The following PML variants were observed in gnomAD, a reference collection of about 807,000 sequenced individuals.
The protein encoded by PML is protein PML.
Under a neutral mutation model 65.2 loss-of-function variants are expected in PML, and 28 were observed. The ratio of observed to expected loss-of-function variants is 0.43; its 90% CI spans 0.32 to 0.59. The LOEUF (loss-of-function observed/expected upper bound fraction) is 0.59. PML is among the 20% of genes least tolerant of loss of function. PML has a pLI of 0.08. For missense variants in PML, 1,021 were observed against 1,203.4 expected, an observed-to-expected ratio of 0.85 and a Z score of 2.24; for synonymous variants, 500 against 508.8, an observed-to-expected ratio of 0.98 and a Z score of 0.23.
chr15:74,035,262 C>T lies in PML; in HGVS notation c.1710+732C>T. The stretch of plus-strand genomic sequence containing the variant: ...CTCGCCAGCCCACTCCTCGCCAGTC[C>T]AGTCTCTGCTGAGAGCACAAGGAGC... On this transcript the variant is annotated intron_variant, in intron 7 of 8. Transcript: ENST00000268058. The surrounding 1 kb of genome is among the most constrained non-coding windows in gnomAD (Gnocchi z 4.1). 1 of 1,613,182 alleles carries T rather than the reference C, an allele frequency of 6.2e-7. No individual in the cohort carries two copies. Among genetic ancestry groups the T allele is most frequent in the Non-Finnish European group, 8.5e-7 (1 of 1,179,648 alleles).
intron 2 of PML, among the ~76,000 whole-genome samples, chr15:74,006,390 CAAAAAAA>C (rs372202858): frequency 1.1e-5 from 1 of 87,554 alleles, no homozygotes; most frequent in South Asian, 4.3e-4. Context: ...GACTCCGTCT[CAAAAAAA>C]AAAAAAAAAA....
intron 4 of PML, among the ~76,000 whole-genome samples, chr15:74,029,036 A>G (rs1034047194): frequency 6.6e-6 from 1 of 152,200 alleles, no homozygotes; most frequent in Non-Finnish European, 1.5e-5. Flanking sequence ...TCGCTGGATC[A>G]TATGGTAATT....
intron 2 of PML, among the ~76,000 whole-genome samples, chr15:74,001,124 CT>C (rs973071101): frequency 2.4e-4 from 36 of 152,204 alleles, no homozygotes; most frequent in Middle Eastern, 3.4e-3. Flanking sequence ...ACTATACCCC[CT>C]TTTTTTATTT....
chr15:74,005,434 T>G lies in PML; in HGVS notation c.602+6958T>G, dbSNP rs566657642. 2.8e-5 allele frequency among the ~76,000 whole-genome samples: 4 copies of G among 145,138 alleles called. No homozygotes were observed. The East Asian group carries it at 8.1e-4, about 29-fold the overall frequency. Reference sequence around the variant, plus strand: ...AACATATTTTACATCTTTTAAATTTTTTCCCCATTAATTCTGTTGCTTTGC... The same window carrying G: ...AACATATTTTACATCTTTTAAATTTGTTCCCCATTAATTCTGTTGCTTTGC... On this transcript the variant is annotated intron_variant, in intron 2 of 8. Coordinates refer to ENST00000268058, the MANE Select transcript of PML (RefSeq NM_033238.3).
At position 74,044,414 on chromosome 15, in the gene PML, A is replaced by C; in HGVS notation, c.2055A>C (p.Pro685=). The C allele has an allele frequency of 6.2e-7, 1 of 1,614,176 alleles. No individual in the cohort carries two copies. The highest frequency in any genetic ancestry group is 1.3e-5 in the African/African-American group (1 of 75,040). The stretch of plus-strand genomic sequence containing the variant: ...ACAAGCTGTGGGGGCCTGGCCTCCC[A>C]AACTTCTTCCGGGCCCTGGAGGACA... ...ACYKLWGPGL[P]NFFRALEDIN... Residue 685 remains proline (P), a synonymous_variant, in exon 9 of 9, where the codon CCA becomes CCC. Transcript: ENST00000268058.
At chr15:74,032,798 C>T in intron 5 of PML, 83 bp downstream of exon 5, 2 of 1,401,296 alleles carry the variant, frequency 1.4e-6, no homozygotes, top group South Asian at 1.2e-5. Context: ...GGTGGGAATC[C>T]AGGCCTTCAT....
chr15:74,024,839 CT>C lies in PML; in HGVS notation c.1184-16del. The C allele has an allele frequency of 6.2e-7, 1 of 1,604,172 alleles. No homozygotes were observed. Among genetic ancestry groups the C allele is most frequent in the South Asian group, 1.1e-5 (1 of 90,876 alleles). ...AGCATGTCCTTGACCTGCCTGTGAC[CT>C]TCTTTGTGTTCTACAGATGCAGCTG... On this transcript the variant is annotated splice_polypyrimidine_tract_variant and intron_variant, in intron 3 of 8. Coordinates refer to ENST00000268058, the MANE Select transcript of PML (RefSeq NM_033238.3).
chr15:73,999,482 A>C (rs1350814720), intron 2 of PML, among the ~76,000 whole-genome samples: 1 of 152,200 alleles, frequency 6.6e-6, no homozygotes, highest in Non-Finnish European at 1.5e-5. Context: ...TATCAGAATA[A>C]GCTTTCCCCT....
chr15:74,033,118 C>T (rs757895596), intron 5 of PML, 38 bp from the exon 6 acceptor site: 1 of 1,612,638 alleles, frequency 6.2e-7, no homozygotes, highest in Non-Finnish European at 8.5e-7. Flanking sequence ...CTCACCCCTG[C>T]AGGCACCTGA....
intron 7 of PML, among the ~76,000 whole-genome samples, chr15:74,040,436 C>G (rs1225716773): frequency 6.6e-6 from 1 of 152,170 alleles, no homozygotes; most frequent in Non-Finnish European, 1.5e-5. Context: ...TATGCTCCCC[C>G]GACACCCAGT....
chr15:74,021,183 T>C (rs954350657), intron 2 of PML, among the ~76,000 whole-genome samples: 2 of 152,228 alleles, frequency 1.3e-5, no homozygotes, highest in African/African-American at 4.8e-5. Context: ...GGGATAATAA[T>C]GGTATCTATT....
At chr15:74,027,273 C>A (rs1250238226) in intron 4 of PML, 2 of 152,082 alleles carry the variant, frequency 1.3e-5, no homozygotes, top group Admixed American at 6.5e-5. Flanking sequence ...ATAATAAGGC[C>A]AGGTGTGGTG....
At chr15:74,036,252 A>G in intron 7 of PML, 1 of 1,501,426 alleles carries the variant, frequency 6.7e-7, no homozygotes, top group Admixed American at 2.0e-5. Flanking sequence ...GTCCCTGGCC[A>G]ATAGCACAGC....
rs761685300 is a variant in PML at position 73,998,005 on chromosome 15, G to A, written c.131G>A (p.Arg44Gln). The A allele has an allele frequency of 1.2e-6, 2 of 1,611,820 alleles. No homozygotes were observed. Among genetic ancestry groups the A allele is most frequent in the East Asian group, 2.2e-5 (1 of 44,882 alleles). Residue 44 changes from arginine (R) to glutamine (Q), a missense_variant and splice_region_variant, in exon 2 of 9, where the codon CGA becomes CAA. Arg to Gln is a conservative substitution (Grantham distance 43). Transcript: ENST00000268058. ...QPSPSPSPTE[R>Q]APASEEEFQF... The stretch of plus-strand genomic sequence containing the variant: ...TCACCTGCCTCTCTGGTCCCCCAGC[G>A]AGCCCCCGCTTCGGAGGAGGAGTTC...
chr15:74,019,895 G>A (rs1220496490), intron 2 of PML, among the ~76,000 whole-genome samples: 1 of 152,200 alleles, frequency 6.6e-6, no homozygotes, highest in South Asian at 2.1e-4. Flanking sequence ...TCCGTTGTAT[G>A]GGTGGATCAT....
intron 4 of PML, 83 bp downstream of exon 4, chr15:74,025,010 G>A (rs532529280): frequency 1.1e-6 from 1 of 900,026 alleles, no homozygotes; most frequent in Non-Finnish European, 1.9e-6. Context: ...CCCTGTGTGT[G>A]CAGGGAGAGC....
intron 2 of PML, among the ~76,000 whole-genome samples, chr15:74,019,124 C>A (rs934974066): frequency 1.3e-5 from 2 of 152,194 alleles, no homozygotes; most frequent in African/African-American, 4.8e-5. Context: ...CAGACACTTG[C>A]CGCCCATTTC....
intron 2 of PML, among the ~76,000 whole-genome samples, chr15:74,018,774 G>A (rs1262968722): frequency 6.6e-6 from 1 of 152,158 alleles, no homozygotes; most frequent in Non-Finnish European, 1.5e-5. Context: ...AGCCACTTTG[G>A]TGAGCAATTT....
chr15:74,045,174 A>G lies in PML; in HGVS notation c.*166A>G, dbSNP rs1469002590. On this transcript the variant is annotated 3_prime_UTR_variant, in exon 9 of 9. Transcript: ENST00000268058. ...CTGGGACCAAATTTCCCTTCTCTAA[A>G]CATCCTACAGAGAAGGTTCCAAAGC... The G allele has an allele frequency of 1.5e-6, 1 of 652,316 alleles. No individual in the cohort carries two copies. Among genetic ancestry groups the G allele is most frequent in the Non-Finnish European group, 2.6e-6 (1 of 386,116 alleles). The allele number at this position is 652,316 out of a possible 1,614,324, so 40.4% of individuals were successfully genotyped here. A position where few individuals can be genotyped will look rare whatever the true frequency, so the allele number is the denominator to read the frequency against.
Sources: gnomAD v4.1 joint callset for allele counts (sites outside exome capture counted in the v4.1 genomes callset) on GRCh38, gnomAD v4.1.1 for gene constraint, Gnocchi (gnomAD v3.1) non-coding constraint, MANE v1.5 for transcripts, NCBI Gene and HGNC (gene_info 2026-07-23, HGNC 2026-07-21) for gene names.